Variants in TGM2 observed in about 807,000 individuals in gnomAD.
TGM2 encodes transglutaminase 2.
In TGM2, 53 loss-of-function variants were observed where a neutral mutation model predicts 75.6. The ratio of observed to expected loss-of-function variants is 0.70; its 90% CI spans 0.56 to 0.88. The LOEUF (loss-of-function observed/expected upper bound fraction) is 0.88. TGM2 is among the 40% of genes least tolerant of loss of function. The pLI is 0.00. For synonymous variants in TGM2, 374 were observed against 381.1 expected (o/e 0.98, Z 0.22); for missense variants, 842 against 928.5 (o/e 0.91, Z 1.21).
intron 9 of TGM2, 103 bp from the exon 10 acceptor site, chr20:38,138,488 C>A (rs999077339): frequency 3.4e-5 from 55 of 1,598,406 alleles, no homozygotes; most frequent in South Asian, 5.5e-5. Context: ...TGACTCAGGG[C>A]AGCCATGAAG....
chr20:38,139,399 T>C lies in TGM2; in HGVS notation c.1342+13A>G, dbSNP rs777413635. The C allele has an allele frequency of 3.1e-6, 5 of 1,614,088 alleles. No individual in the cohort carries two copies. The highest frequency in any genetic ancestry group is 3.4e-6 in the Non-Finnish European group (4 of 1,179,986). On this transcript the variant is annotated intron_variant, in intron 9 of 12. Coordinates refer to ENST00000361475, the MANE Select transcript of TGM2 (RefSeq NM_004613.4). The stretch of plus-strand genomic sequence containing the variant: ...ATCTTCAAGGCTGCATTAAAGACTC[T>C]GAGGGCACATACCCTCTGGGTATTT...
intron 10 of TGM2, chr20:38,132,804 T>G (rs1405187296): frequency 2.0e-6 from 1 of 494,526 alleles, no homozygotes; most frequent in East Asian, 5.7e-5. Context: ...GTCCTCGATG[T>G]TTGGATCTGC....
intron 1 of TGM2, among the ~76,000 whole-genome samples, chr20:38,163,094 C>T (rs7271155): frequency 0.47 from 71,897 of 151,962 alleles, 19,308 homozygotes; most frequent in Non-Finnish European, 0.62. Flanking sequence ...AAGCTTGATA[C>T]GTGAAAGTTC....
intron 2 of TGM2, 29 bp from the exon 3 acceptor site, chr20:38,156,118 C>T: frequency 1.2e-6 from 2 of 1,606,228 alleles, no homozygotes; most frequent in Non-Finnish European, 1.7e-6. Context: ...TAGCCGTGAG[C>T]TAGGGGTAGC....
intron 5 of TGM2, 99 bp from the exon 6 acceptor site, chr20:38,146,993 G>T: frequency 7.5e-7 from 1 of 1,336,770 alleles, no homozygotes; most frequent in Non-Finnish European, 1.0e-6. Context: ...AAGCTGGGGA[G>T]GGGAGCTCCA....
rs762650405 is a variant in TGM2 at position 38,132,475 on chromosome 20, G to T, written c.1641C>A (p.Leu547=). The T allele has an allele frequency of 1.9e-6, 3 of 1,614,062 alleles. No homozygotes were observed. The Admixed American group carries it at 5.0e-5, about 27-fold the overall frequency. The change falls in exon 11 of 13, where the codon CTC becomes CTA. Residue 547 remains leucine, a synonymous_variant. Coordinates refer to ENST00000361475, the MANE Select transcript of TGM2 (RefSeq NM_004613.4). The part of the protein sequence containing the change: ...FSEKSVPLCI[L]YEKYRDCLTE... ...TAAGGCAGTCACGGTATTTCTCATAGAGGATGCAAAGAGGAACGCTCTTCT... is the reference window on the plus strand; with the variant it reads ...TAAGGCAGTCACGGTATTTCTCATATAGGATGCAAAGAGGAACGCTCTTCT...
At chr20:38,134,229 G>A (rs769133470) in intron 10 of TGM2, among the ~76,000 whole-genome samples, 1 of 152,194 alleles carries the variant, frequency 6.6e-6, no homozygotes, top group Non-Finnish European at 1.5e-5. Flanking sequence ...TTTGGAAAAT[G>A]CTGCCCCGAC....
At chr20:38,143,805 G>T (rs1261066279) in intron 6 of TGM2, among the ~76,000 whole-genome samples, 1 of 152,232 alleles carries the variant, frequency 6.6e-6, no homozygotes, top group Non-Finnish European at 1.5e-5. Context: ...AGTTTTGATT[G>T]AAGTTGAGTT....
At chr20:38,132,675 T>C in intron 10 of TGM2, 175 bp from the exon 11 acceptor site, 1 of 857,394 alleles carries the variant, frequency 1.2e-6, no homozygotes, top group Non-Finnish European at 1.9e-6. Context: ...AGCGAGGAGC[T>C]GGAGAGTGGA....
chr20:38,166,982 G>A (rs1246752750), upstream of TGM2, among the ~76,000 whole-genome samples: 12 of 152,268 alleles, frequency 7.9e-5, no homozygotes, highest in African/African-American at 2.6e-4. Context: ...GTGTGGCCAT[G>A]GGCAGGATTT....
chr20:38,160,941 C>T (rs1231332302), intron 2 of TGM2, among the ~76,000 whole-genome samples: 1 of 152,176 alleles, frequency 6.6e-6, no homozygotes, highest in East Asian at 1.9e-4. Context: ...GCTGGGATTA[C>T]AGACATGTAC....
chr20:38,132,866 G>A (rs1033963842), intron 10 of TGM2: 9 of 462,448 alleles, frequency 1.9e-5, no homozygotes, highest in East Asian at 6.8e-5. Flanking sequence ...CGAGTGTCCC[G>A]GAAGAGCCTG....
At chr20:38,168,181 G>T (rs900373366), upstream of TGM2, among the ~76,000 whole-genome samples, 2 of 152,206 alleles carry the variant, frequency 1.3e-5, no homozygotes, top group African/African-American at 4.8e-5. Context: ...GTGACGCATG[G>T]CGTTGAGCAA....
At chr20:38,165,704 A>ACACG (rs1555811746), upstream of TGM2, among the ~76,000 whole-genome samples, 3 of 150,414 alleles carry the variant, frequency 2.0e-5, no homozygotes, top group Admixed American at 2.0e-4. Context: ...ACACACACGC[A>ACACG]CACACTCACA....
chr20:38,155,948 G>C lies in TGM2; in HGVS notation c.332C>G (p.Pro111Arg), dbSNP rs141628501. 3.7e-6 allele frequency: 6 copies of C among 1,612,548 alleles called. No homozygotes were observed. In the African/African-American group the frequency reaches 8.0e-5, roughly 22 times the overall value. Residue 111 changes from proline (P) to arginine (R), a missense_variant, in exon 3 of 13, where the codon CCC becomes CGC. By Grantham distance (103) the Pro-to-Arg change is moderately radical (BLOSUM62 -2). Transcript: ENST00000361475. Reference protein sequence around the residue: ...SLQLTTPANAPIGLYRLSLEA... With the variant: ...SLQLTTPANARIGLYRLSLEA... Reference sequence around the variant, plus strand: ...CAGGCTGAGGCGATACAGGCCGATGGGGGCGTTGGCCGGGGTGGTGAGCTG... The same window carrying C: ...CAGGCTGAGGCGATACAGGCCGATGCGGGCGTTGGCCGGGGTGGTGAGCTG...
In TGM2 at chr20:38,138,744, T is replaced by C. The variant is rs45561632; in HGVS notation, c.1343-359A>G. On this transcript the variant is annotated intron_variant, in intron 9 of 12. Coordinates refer to ENST00000361475, the MANE Select transcript of TGM2 (RefSeq NM_004613.4). The stretch of plus-strand genomic sequence containing the variant: ...GTGCTTGGTGCATACTAGGCACGAA[T>C]ACAGTGCAATCTTTCTTACCTTCAA... 2.4e-3 allele frequency among the ~76,000 whole-genome samples: 361 copies of C among 152,340 alleles called. 2 individuals carry two copies. The highest frequency in any genetic ancestry group is 8.5e-3 in the African/African-American group (355 of 41,580).
chr20:38,137,339 G>A (rs1302240655), intron 10 of TGM2, among the ~76,000 whole-genome samples: 1 of 152,270 alleles, frequency 6.6e-6, no homozygotes, highest in Non-Finnish European at 1.5e-5. Flanking sequence ...ACAAAAATTA[G>A]CTGGGCATGG....
In TGM2 at chr20:38,142,162, G is replaced by A. The variant is rs2074983527; in HGVS notation, c.897C>T (p.Thr299=). 1 of 1,614,042 alleles carries A rather than the reference G, an allele frequency of 6.2e-7. No individual in the cohort carries two copies. Among genetic ancestry groups the A allele is most frequent in the African/African-American group, 1.3e-5 (1 of 74,896 alleles). ...RCLGIPTRVV[T]NYNSAHDQNS... ...TCTGGTCATGGGCCGAGTTGTAGTT[G>A]GTCACGACGCGGGTAGGGATGCCCA... is the stretch of plus-strand genomic sequence containing the variant. The change falls in exon 7 of 13, where the codon ACC becomes ACT. Residue 299 remains threonine (T), a synonymous_variant. Transcript: ENST00000361475.
chr20:38,168,052 C>A (rs2075324006), upstream of TGM2, among the ~76,000 whole-genome samples: 1 of 152,202 alleles, frequency 6.6e-6, no homozygotes, highest in South Asian at 2.1e-4. Context: ...TGAGAAGAAT[C>A]CCATTAGATT....
Sources: gnomAD v4.1 joint callset for allele counts (sites outside exome capture counted in the v4.1 genomes callset) on GRCh38, gnomAD v4.1.1 for gene constraint, MANE v1.5 for transcripts, NCBI Gene and HGNC (gene_info 2026-07-23, HGNC 2026-07-21) for gene names.